Variants in B3GALT1 observed in about 807,000 individuals in gnomAD.
The protein encoded by B3GALT1 is beta-1,3-galactosyltransferase 1.
In B3GALT1, 10 loss-of-function variants were observed where a neutral mutation model predicts 23.2. The observed-to-expected ratio is 0.43, with a 90% CI of 0.27 to 0.73. B3GALT1 has a LOEUF of 0.73. Ranked by LOEUF, B3GALT1 falls within the 30% of genes least tolerant of loss-of-function variation. B3GALT1 has a pLI of 0.21. For missense variants in B3GALT1, 299 were observed against 405.4 expected, an observed-to-expected ratio of 0.74 and a Z score of 2.25; for synonymous variants, 156 against 141.5, an observed-to-expected ratio of 1.10 and a Z score of -0.73.
intron 3 of B3GALT1, among the ~76,000 whole-genome samples, chr2:167,685,069 A>G (rs1167141834): frequency 6.6e-6 from 1 of 152,232 alleles, no homozygotes; most frequent in East Asian, 1.9e-4. Flanking sequence ...CAAGAGTCTA[A>G]GGATATAACA....
intron 1 of B3GALT1, among the ~76,000 whole-genome samples, chr2:167,484,594 A>T (rs555987364): frequency 7.2e-5 from 11 of 152,362 alleles, no homozygotes; most frequent in African/African-American, 2.4e-4. Flanking sequence ...TTAAGTTATT[A>T]TCTGAAGACC....
At chr2:167,653,777 G>T (rs1685906138) in intron 3 of B3GALT1, among the ~76,000 whole-genome samples, 1 of 152,110 alleles carries the variant, frequency 6.6e-6, no homozygotes, top group South Asian at 2.1e-4. Flanking sequence ...TAGCTAAAAG[G>T]TGCAAATATA....
intron 4 of B3GALT1, among the ~76,000 whole-genome samples, chr2:167,843,989 C>T (rs1437806491): frequency 6.6e-6 from 1 of 152,194 alleles, no homozygotes; most frequent in Non-Finnish European, 1.5e-5. Context: ...TCACTGGATT[C>T]TCTGAGAATG....
At chr2:167,782,641 T>C (rs1349645035) in intron 3 of B3GALT1, among the ~76,000 whole-genome samples, 1 of 152,198 alleles carries the variant, frequency 6.6e-6, no homozygotes, top group Non-Finnish European at 1.5e-5. Flanking sequence ...AGCTATTCCA[T>C]AAATAAAATA....
chr2:167,596,736 G>A (rs2105420219), intron 2 of B3GALT1, among the ~76,000 whole-genome samples: 1 of 152,136 alleles, frequency 6.6e-6, no homozygotes, highest in Middle Eastern at 3.4e-3. Context: ...CCACATTAGT[G>A]CCCACAGCAG....
rs531344277 is a variant in B3GALT1 at position 167,835,924 on chromosome 2, G to C, written c.-230+17131G>C. Among the ~76,000 whole-genome samples the C allele has an allele frequency of 1.2e-4, 18 of 152,322 alleles. 1 individual carries two copies. In the East Asian group the frequency reaches 3.1e-3, roughly 26 times the overall value. ...CTGATACCCAGGCAAACAGGGTCTGGAGTGGACCTCTAGCAAACTCCAACA... is the reference window on the plus strand; with the variant it reads ...CTGATACCCAGGCAAACAGGGTCTGCAGTGGACCTCTAGCAAACTCCAACA... On this transcript the variant is annotated intron_variant, in intron 4 of 4. Transcript: ENST00000392690.
intron 1 of B3GALT1, among the ~76,000 whole-genome samples, chr2:167,436,269 A>C (rs193030138): frequency 4.5e-4 from 68 of 151,868 alleles, no homozygotes; most frequent in African/African-American, 1.5e-3. Flanking sequence ...GAACTGCTCT[A>C]CTCACGGTGT....
At chr2:167,618,918 G>A (rs1222396476) in intron 2 of B3GALT1, among the ~76,000 whole-genome samples, 1 of 151,480 alleles carries the variant, frequency 6.6e-6, no homozygotes, top group Admixed American at 6.6e-5. Flanking sequence ...AAGATTTTTT[G>A]CTAGCTTCAT....
chr2:167,649,418 AC>A (rs938325713), intron 3 of B3GALT1, among the ~76,000 whole-genome samples: 11 of 152,032 alleles, frequency 7.2e-5, no homozygotes, highest in African/African-American at 2.6e-4. Context: ...TATTTTTGTC[AC>A]CCCCAAAGGA....
At chr2:167,358,664 C>T (rs1049697835) in intron 1 of B3GALT1, among the ~76,000 whole-genome samples, 10 of 152,046 alleles carry the variant, frequency 6.6e-5, no homozygotes, top group African/African-American at 2.4e-4. Context: ...TTTGAATTAA[C>T]ACTATATACT....
intron 1 of B3GALT1, among the ~76,000 whole-genome samples, chr2:167,487,950 T>A (rs1050943619): frequency 7.9e-5 from 12 of 152,256 alleles, no homozygotes; most frequent in Admixed American, 3.3e-4. Context: ...TGGGACTTGC[T>A]CATGGAAAAG....
At chr2:167,424,121 A>G (rs943787871) in intron 1 of B3GALT1, among the ~76,000 whole-genome samples, 1 of 152,240 alleles carries the variant, frequency 6.6e-6, no homozygotes, top group Non-Finnish European at 1.5e-5. Flanking sequence ...CAATTTATTA[A>G]GCATCTAACA....
chr2:167,566,829 G>T (rs948264727), intron 2 of B3GALT1, among the ~76,000 whole-genome samples: 1 of 152,160 alleles, frequency 6.6e-6, no homozygotes, highest in South Asian at 2.1e-4. Flanking sequence ...CCCTCTGGGG[G>T]TAGGAGGGTT....
chr2:167,313,792 T>A (rs1166763419), intron 1 of B3GALT1, among the ~76,000 whole-genome samples: 1 of 152,198 alleles, frequency 6.6e-6, no homozygotes, highest in East Asian at 1.9e-4. Context: ...ACAGAAAATA[T>A]CCTTCCTTTA....
intron 1 of B3GALT1, among the ~76,000 whole-genome samples, chr2:167,467,409 A>C (rs1332179884): frequency 1.3e-5 from 2 of 152,176 alleles, no homozygotes; most frequent in African/African-American, 2.4e-5. Flanking sequence ...ACAGTAAAAA[A>C]CAAAAATGTC....
chr2:167,763,286 CTAA>C (rs950759843), intron 3 of B3GALT1, among the ~76,000 whole-genome samples: 5 of 152,004 alleles, frequency 3.3e-5, no homozygotes, highest in African/African-American at 4.8e-5. Context: ...ATCAGAGAAA[CTAA>C]TATTTTCTTT....
intron 3 of B3GALT1, chr2:167,715,942 C>A (rs1329740915): frequency 1.2e-6 from 2 of 1,613,024 alleles, no homozygotes; most frequent in African/African-American, 2.7e-5. Flanking sequence ...ACCACCAGTT[C>A]GCATGGAAAA....
At chr2:167,664,601 A>G (rs999172705) in intron 3 of B3GALT1, among the ~76,000 whole-genome samples, 6 of 152,154 alleles carry the variant, frequency 3.9e-5, no homozygotes, top group African/African-American at 1.4e-4. Flanking sequence ...TGAGCATGGA[A>G]TGTTCTTCCA....
chr2:167,867,986 T>A (rs989342693), intron 4 of B3GALT1, among the ~76,000 whole-genome samples: 1 of 152,150 alleles, frequency 6.6e-6, no homozygotes, highest in Admixed American at 6.5e-5. Flanking sequence ...ATTGGGTTTA[T>A]AGGCAAATGT....
Sources: gnomAD v4.1 joint callset for allele counts (sites outside exome capture counted in the v4.1 genomes callset) on GRCh38, gnomAD v4.1.1 for gene constraint, MANE v1.5 for transcripts, NCBI Gene and HGNC (gene_info 2026-07-23, HGNC 2026-07-21) for gene names.